CDK11A: variants seen among roughly 807,000 people sequenced by gnomAD.
The protein encoded by CDK11A is cyclin dependent kinase 11A.
A neutral mutation model predicts 83.6 loss-of-function variants in CDK11A; 55 were observed. That is an observed-to-expected ratio of 0.66 (90% confidence interval 0.53 to 0.82). The LOEUF is 0.82. CDK11A is among the 40% of genes least tolerant of loss of function. The pLI is 0.00. For synonymous variants in CDK11A, 247 were observed against 302.7 expected (o/e 0.82, Z 1.91); for missense variants, 564 against 810.1 (o/e 0.70, Z 3.69).
intron 4 of CDK11A, chr1:1,719,093 C>T (rs547260232): frequency 7.0e-6 from 2 of 285,942 alleles, no homozygotes; most frequent in South Asian, 6.3e-5. Flanking sequence ...CTGTGACGCA[C>T]ACATGCTTTC....
At chr1:1,712,540 G>T in intron 5 of CDK11A, 140 bp from the exon 6 acceptor site, 1 of 625,274 alleles carries the variant, frequency 1.6e-6, no homozygotes, top group Non-Finnish European at 2.6e-6. Flanking sequence ...CTTTGAGACG[G>T]AGTCTTCATC....
chr1:1,717,777 G>C (rs2101295591), intron 4 of CDK11A, among the ~76,000 whole-genome samples: 1 of 150,004 alleles, frequency 6.7e-6, no homozygotes, highest in East Asian at 2.0e-4. Flanking sequence ...TTCAGCTAGA[G>C]TTTGCTCTCT....
intron 9 of CDK11A, among the ~76,000 whole-genome samples, 193 bp from the exon 10 acceptor site, chr1:1,708,438 C>T (rs1318051423): frequency 4.7e-5 from 7 of 148,358 alleles, no homozygotes; most frequent in Non-Finnish European, 9.0e-5. Context: ...GTCAGGAGTT[C>T]GAGACCATCC....
chr1:1,712,799 A>G (rs1452025199), intron 5 of CDK11A, among the ~76,000 whole-genome samples: 1 of 37,022 alleles, frequency 2.7e-5, no homozygotes, highest in Non-Finnish European at 1.3e-4. Flanking sequence ...TACAGGCCCG[A>G]GCCACCGTGC....
chr1:1,708,457 G>A (rs1487447570), intron 9 of CDK11A, among the ~76,000 whole-genome samples: 2 of 146,652 alleles, frequency 1.4e-5, no homozygotes, highest in South Asian at 2.2e-4. Context: ...CCTGGCCAAC[G>A]TGGTGAAACC....
At position 1,722,821 on chromosome 1, in the gene CDK11A, G is replaced by A. The variant is rs1644956811; in HGVS notation, c.-3C>T. 2 of 1,313,694 alleles carry A rather than the reference G, an allele frequency of 1.5e-6. No homozygotes were observed. Among genetic ancestry groups the A allele is most frequent in the Non-Finnish European group, 2.0e-6 (2 of 984,804 alleles). The allele number at this position is 1,313,694 out of a possible 1,614,324, so 81.4% of individuals were successfully genotyped here. ...CAAGAGTCCTTTTCATCACCCATTT[G>A]AGTTAAAACACTGCAAAAAGAAAAA... On this transcript the variant is annotated 5_prime_UTR_variant, in exon 2 of 20. Coordinates refer to ENST00000404249, the MANE Select transcript of CDK11A (RefSeq NM_024011.4).
At chr1:1,718,837 C>T (rs921116609) in intron 4 of CDK11A, among the ~76,000 whole-genome samples, 9 of 150,556 alleles carry the variant, frequency 6.0e-5, no homozygotes, top group African/African-American at 2.0e-4. Context: ...TGGGTTTCAC[C>T]GTGTTAGCCA....
At chr1:1,721,575 C>T (rs373127485) in intron 3 of CDK11A, 21 bp downstream of exon 3, 28 of 1,601,712 alleles carry the variant, frequency 1.7e-5, no homozygotes, top group South Asian at 5.5e-5. Flanking sequence ...TTGGGTCTTG[C>T]ACATCTGTAC....
intron 4 of CDK11A, among the ~76,000 whole-genome samples, chr1:1,718,102 T>C (rs1268196288): frequency 3.5e-5 from 5 of 142,106 alleles, no homozygotes; most frequent in Admixed American, 7.2e-5. Context: ...AGCTAGAGTT[T>C]GCTCTTTCTG....
chr1:1,703,630 A>T lies in CDK11A; in HGVS notation c.1912-6T>A, dbSNP rs1312774076. On this transcript the variant is annotated splice_polypyrimidine_tract_variant and splice_region_variant and intron_variant, in intron 17 of 19. Transcript: ENST00000404249. ...TCACTGGGGGTCCCCAGCTCCTGAA[A>T]GACAGAGGTGCTTCAACAGCCACAC... The T allele has an allele frequency of 5.0e-6, 8 of 1,593,510 alleles. 2 individuals carry two copies. The East Asian group carries it at 6.8e-5, about 14-fold the overall frequency.
At chr1:1,718,082 G>A (rs1644746682) in intron 4 of CDK11A, among the ~76,000 whole-genome samples, 1 of 137,902 alleles carries the variant, frequency 7.3e-6, no homozygotes, top group Non-Finnish European at 1.5e-5. Flanking sequence ...TGTGACACAC[G>A]CACGCTTTCA....
intron 5 of CDK11A, among the ~76,000 whole-genome samples, chr1:1,714,467 G>A (rs1162002083): frequency 2.0e-5 from 1 of 48,884 alleles, no homozygotes; most frequent in Non-Finnish European, 9.2e-5. Flanking sequence ...TTGTATTTTA[G>A]ATAATACATT....
intron 2 of CDK11A, chr1:1,721,968 G>A (rs1466429745): frequency 1.3e-5 from 5 of 378,908 alleles, no homozygotes; most frequent in Admixed American, 3.9e-5. Flanking sequence ...TGGCTAACAC[G>A]GAGAGACCCC....
rs185514623 is a variant in CDK11A, at chr1:1,706,965, G to A, written c.1245+444C>T. 6.9e-4 allele frequency among the ~76,000 whole-genome samples: 98 copies of A among 142,844 alleles called. 6 individuals are homozygous for A. The highest frequency in any genetic ancestry group is 3.6e-3 in the Admixed American group (53 of 14,822). The allele number at this position is 142,844 out of a possible 152,430, so 93.7% of individuals were successfully genotyped here. ...TCCTGCCTTATTGATAGCTGCCTGA[G>A]CAAAAGGCTTCTGGTCACACATCTA... is the stretch of plus-strand genomic sequence containing the variant. On this transcript the variant is annotated intron_variant, in intron 11 of 19. Transcript: ENST00000404249.
At chr1:1,714,776 G>A (rs1236134499) in intron 5 of CDK11A, among the ~76,000 whole-genome samples, 14 of 133,564 alleles carry the variant, frequency 1.0e-4, no homozygotes, top group South Asian at 2.5e-4. Context: ...CATCTGTGGC[G>A]GCTTCTATTT....
intron 3 of CDK11A, among the ~76,000 whole-genome samples, chr1:1,719,657 C>A (rs1049427147): frequency 2.2e-5 from 3 of 136,650 alleles, no homozygotes; most frequent in African/African-American, 8.0e-5. Flanking sequence ...GCTCTGTCAC[C>A]CAGGCTGGAG....
rs758160511 is a variant in CDK11A at position 1,721,569 on chromosome 1, G to C, written c.227+27C>G. On this transcript the variant is annotated intron_variant, in intron 3 of 19. Coordinates refer to ENST00000404249, the MANE Select transcript of CDK11A (RefSeq NM_024011.4). Reference sequence around the variant, plus strand: ...CCAGGCCAGGGCTGTGTACAGTTGGGTCTTGCACATCTGTACATCCGCTCA... The same window carrying C: ...CCAGGCCAGGGCTGTGTACAGTTGGCTCTTGCACATCTGTACATCCGCTCA... 7 of 1,599,390 alleles carry C rather than the reference G, an allele frequency of 4.4e-6. No individual in the cohort carries two copies. The Admixed American group carries it at 8.4e-5, about 19-fold the overall frequency.
chr1:1,722,136 C>T (rs541867913), intron 2 of CDK11A, among the ~76,000 whole-genome samples: 1 of 151,122 alleles, frequency 6.6e-6, no homozygotes, highest in South Asian at 2.1e-4. Flanking sequence ...ACAAAGTGAG[C>T]ACATGCTATT....
chr1:1,704,190 A>T lies in CDK11A; in HGVS notation c.1686+33T>A, dbSNP rs750758408. The T allele has an allele frequency of 6.2e-5, 100 of 1,607,786 alleles. 4 individuals are homozygous for T. The highest frequency in any genetic ancestry group is 1.9e-4 in the Middle Eastern group (1 of 5,192). Reference sequence around the variant, plus strand: ...GGCTGTGGGTGGGCCTGGGCGGGTCACCCTGGGATGGGCCACTCGGAGGGG... The same window carrying T: ...GGCTGTGGGTGGGCCTGGGCGGGTCTCCCTGGGATGGGCCACTCGGAGGGG... On this transcript the variant is annotated intron_variant, in intron 15 of 19. Transcript: ENST00000404249.
Sources: allele counts gnomAD v4.1 joint callset (sites outside exome capture counted in the v4.1 genomes callset), GRCh38; gene constraint gnomAD v4.1.1; transcripts MANE v1.5; gene names NCBI Gene and HGNC (gene_info 2026-07-23, HGNC 2026-07-21).